The following ALK variants were observed in gnomAD, a reference collection of about 807,000 sequenced individuals.
ALK encodes the protein ALK receptor tyrosine kinase.
A neutral mutation model predicts 163.1 loss-of-function variants in ALK; 74 were observed. That is an observed-to-expected ratio of 0.45 (90% CI 0.38 to 0.55). The LOEUF (loss-of-function observed/expected upper bound fraction) is 0.55, where lower values mean the gene tolerates loss of function less well. Ranked by LOEUF, ALK falls within the 20% of genes least tolerant of loss-of-function variation. The pLI is 0.00. For missense variants in ALK, 2,063 were observed against 2,105.3 expected (o/e 0.98, Z 0.39); for synonymous variants, 960 against 843.2 (o/e 1.14, Z -2.40).
intron 3 of ALK, among the ~76,000 whole-genome samples, chr2:29,647,863 T>C (rs1489823549): frequency 6.6e-6 from 1 of 151,500 alleles, no homozygotes; most frequent in Non-Finnish European, 1.5e-5. Context: ...TTTATAAACT[T>C]AGATTCAGTT....
chr2:29,367,119 T>A (rs1668527153), intron 5 of ALK, among the ~76,000 whole-genome samples: 1 of 152,168 alleles, frequency 6.6e-6, no homozygotes, highest in Admixed American at 6.5e-5. Context: ...TTTATCTGGA[T>A]GCCATGTGTT....
chr2:29,746,127 T>C (rs891264531), intron 1 of ALK, among the ~76,000 whole-genome samples: 3 of 152,158 alleles, frequency 2.0e-5, no homozygotes, highest in African/African-American at 7.2e-5. Context: ...TCAGAGAAGA[T>C]ACGTAACTTG....
chr2:29,895,492 T>G (rs942819851), intron 1 of ALK, among the ~76,000 whole-genome samples: 4 of 152,204 alleles, frequency 2.6e-5, no homozygotes, highest in Admixed American at 6.5e-5. Context: ...CAGGGATCCC[T>G]GGTCTGTGGC....
chr2:29,781,901 G>C (rs930200860), intron 1 of ALK, among the ~76,000 whole-genome samples: 1 of 152,160 alleles, frequency 6.6e-6, no homozygotes, highest in Non-Finnish European at 1.5e-5. Flanking sequence ...TAGACAGAAA[G>C]AACTGGGCCC....
intron 4 of ALK, among the ~76,000 whole-genome samples, chr2:29,385,097 T>C (rs1367716801): frequency 6.8e-6 from 1 of 147,630 alleles, no homozygotes; most frequent in Non-Finnish European, 1.5e-5. Flanking sequence ...TATACATCTA[T>C]GAAATCATCA....
At chr2:29,303,631 C>A (rs1327136692) in intron 8 of ALK, among the ~76,000 whole-genome samples, 1 of 152,194 alleles carries the variant, frequency 6.6e-6, no homozygotes, top group Non-Finnish European at 1.5e-5. Context: ...TAGAATCAAC[C>A]TACGTGTCCC....
chr2:29,504,944 G>A (rs1182643383), intron 4 of ALK, among the ~76,000 whole-genome samples: 5 of 152,198 alleles, frequency 3.3e-5, no homozygotes, highest in Admixed American at 3.3e-4. Context: ...CTGGAGGCAT[G>A]GGGTGAGTCC....
chr2:29,238,990 C>T (rs1409595968), intron 13 of ALK, among the ~76,000 whole-genome samples: 1 of 152,156 alleles, frequency 6.6e-6, no homozygotes, highest in Non-Finnish European at 1.5e-5. Flanking sequence ...TCAATAAATT[C>T]CCGTGAAAAT....
chr2:29,591,124 C>T (rs535876534), intron 3 of ALK, among the ~76,000 whole-genome samples: 5 of 148,880 alleles, frequency 3.4e-5, no homozygotes, highest in Non-Finnish European at 7.4e-5. Flanking sequence ...GCCCCTTTCC[C>T]TATCATGATG....
intron 3 of ALK, among the ~76,000 whole-genome samples, chr2:29,556,644 T>C (rs1673870051): frequency 6.6e-6 from 1 of 152,222 alleles, no homozygotes; most frequent in Non-Finnish European, 1.5e-5. Flanking sequence ...TCAAGAAGCC[T>C]TAGGGTTTTG....
chr2:29,365,608 G>T (rs545726979), intron 5 of ALK, among the ~76,000 whole-genome samples: 15 of 152,216 alleles, frequency 9.9e-5, no homozygotes, highest in Non-Finnish European at 1.8e-4. Context: ...ATCATCTTTT[G>T]CCAGGAGATA....
At chr2:29,423,401 T>C (rs1049387850) in intron 4 of ALK, among the ~76,000 whole-genome samples, 1 of 152,226 alleles carries the variant, frequency 6.6e-6, no homozygotes, top group African/African-American at 2.4e-5. Flanking sequence ...GGCCCTTCAG[T>C]GACTAATCTC....
At chr2:29,208,547 A>G (rs1669375682) in intron 25 of ALK, among the ~76,000 whole-genome samples, 1 of 152,188 alleles carries the variant, frequency 6.6e-6, no homozygotes, top group African/African-American at 2.4e-5. Context: ...GAGGAGTGCG[A>G]CGGATAGCAG....
intron 5 of ALK, among the ~76,000 whole-genome samples, chr2:29,376,335 T>C (rs897418553): frequency 6.6e-6 from 1 of 152,260 alleles, no homozygotes; most frequent in South Asian, 2.1e-4. Flanking sequence ...AAACTCTTCG[T>C]AAGATTTGCA....
chr2:29,760,064 A>C (rs933786097), intron 1 of ALK, among the ~76,000 whole-genome samples: 3 of 152,172 alleles, frequency 2.0e-5, no homozygotes, highest in African/African-American at 7.2e-5. Flanking sequence ...TTGTCACAAC[A>C]AGTGCAACTA....
chr2:29,735,866 A>G (rs758880746), intron 1 of ALK, among the ~76,000 whole-genome samples: 20 of 152,102 alleles, frequency 1.3e-4, no homozygotes, highest in Non-Finnish European at 2.6e-4. Flanking sequence ...CTGTGAGTCA[A>G]TTAAAACTCT....
intron 1 of ALK, among the ~76,000 whole-genome samples, chr2:29,724,178 G>A (rs1279689501): frequency 1.3e-5 from 2 of 152,188 alleles, no homozygotes; most frequent in African/African-American, 4.8e-5. Context: ...TCAATAAAAT[G>A]TAACAAATGC....
chr2:29,291,333 C>A (rs1377541963), intron 9 of ALK, among the ~76,000 whole-genome samples: 1 of 151,944 alleles, frequency 6.6e-6, no homozygotes, highest in Non-Finnish European at 1.5e-5. Flanking sequence ...CACTGCACTC[C>A]AGCCTGGGTG....
chr2:29,698,140 G>T (rs1004362332), intron 2 of ALK, among the ~76,000 whole-genome samples: 1 of 152,154 alleles, frequency 6.6e-6, no homozygotes, highest in Non-Finnish European at 1.5e-5. Flanking sequence ...GCTGAAATGG[G>T]TAGCTCTCAC....
Sources: allele counts gnomAD v4.1 joint callset (sites outside exome capture counted in the v4.1 genomes callset), GRCh38; gene constraint gnomAD v4.1.1; transcripts MANE v1.5; gene names NCBI Gene and HGNC (gene_info 2026-07-23, HGNC 2026-07-21).